NCK1: variants seen among roughly 807,000 people sequenced by gnomAD.
NCK1 encodes SH2/SH3 adapter protein NCK1.
Under a neutral mutation model 36.6 loss-of-function variants are expected in NCK1, and 19 were observed. The observed-to-expected ratio is 0.52, with a 90% CI of 0.36 to 0.76. The LOEUF is 0.76. NCK1 is among the 30% of genes least tolerant of loss of function. NCK1 has a pLI of 0.00. For missense variants in NCK1, 358 were observed against 445.6 expected (o/e 0.80, Z 1.77); for synonymous variants, 165 against 156.0 (o/e 1.06, Z -0.43).
At chr3:136,904,433 G>A (rs1156736646) in intron 1 of NCK1, among the ~76,000 whole-genome samples, 3 of 152,278 alleles carry the variant, frequency 2.0e-5, no homozygotes, top group African/African-American at 4.8e-5. Context: ...GATTACAGGC[G>A]TGAGCCACCG....
chr3:136,905,425 T>C (rs1226820659), intron 1 of NCK1, among the ~76,000 whole-genome samples: 1 of 152,034 alleles, frequency 6.6e-6, no homozygotes. Context: ...AATTCTCTTG[T>C]ATCTTTTTTT....
intron 2 of NCK1, among the ~76,000 whole-genome samples, chr3:136,941,116 CTTTT>C (rs34776608): frequency 3.2e-4 from 32 of 100,058 alleles, no homozygotes; most frequent in African/African-American, 7.9e-4. Context: ...ATTTCTTTTT[CTTTT>C]TTTTTTTTTT....
At chr3:136,878,599 T>C (rs1413562036) in intron 1 of NCK1, among the ~76,000 whole-genome samples, 1 of 152,176 alleles carries the variant, frequency 6.6e-6, no homozygotes, top group African/African-American at 2.4e-5. Context: ...AAAAATTTTC[T>C]AAAATTCATT....
chr3:136,867,992 A>G (rs1055041549), intron 1 of NCK1, among the ~76,000 whole-genome samples: 9 of 151,788 alleles, frequency 5.9e-5, no homozygotes, highest in Non-Finnish European at 1.2e-4. Context: ...ATCTCGGCTC[A>G]CTGCAACCTC....
intron 3 of NCK1, 108 bp downstream of exon 3, chr3:136,946,403 A>G (rs1002650909): frequency 6.7e-6 from 6 of 889,086 alleles, no homozygotes; most frequent in Middle Eastern, 2.3e-4. Flanking sequence ...ACCAGGTAAC[A>G]AGCTGGGACG....
At chr3:136,882,177 C>A (rs887422652) in intron 1 of NCK1, among the ~76,000 whole-genome samples, 156 of 152,000 alleles carry the variant, frequency 1.0e-3, no homozygotes, top group African/African-American at 3.6e-3. Flanking sequence ...TACATTTTCA[C>A]TAACACTTGT....
At chr3:136,934,531 C>T (rs1940477496) in intron 2 of NCK1, among the ~76,000 whole-genome samples, 1 of 152,162 alleles carries the variant, frequency 6.6e-6, no homozygotes, top group South Asian at 2.1e-4. Context: ...TGTGATCCAT[C>T]CGCCTCAGTC....
chr3:136,932,573 T>C (rs1426487393), intron 2 of NCK1, among the ~76,000 whole-genome samples: 1 of 152,240 alleles, frequency 6.6e-6, no homozygotes, highest in Non-Finnish European at 1.5e-5. Flanking sequence ...CATATATTTA[T>C]ATGTGGTATT....
intron 2 of NCK1, among the ~76,000 whole-genome samples, chr3:136,932,727 T>C (rs1318977565): frequency 6.6e-6 from 1 of 152,194 alleles, no homozygotes; most frequent in Non-Finnish European, 1.5e-5. Flanking sequence ...ACTCTAAAAG[T>C]CTTACATCCT....
At chr3:136,923,516 C>G (rs545238207) in intron 1 of NCK1, among the ~76,000 whole-genome samples, 1 of 151,942 alleles carries the variant, frequency 6.6e-6, no homozygotes, top group African/African-American at 2.4e-5. Flanking sequence ...GGTCGCTCCA[C>G]TGCACTCCAG....
intron 2 of NCK1, among the ~76,000 whole-genome samples, chr3:136,943,298 T>C (rs3845926): frequency 1 from 152,154 of 152,328 alleles, 75,990 homozygotes; most frequent in Middle Eastern, 1. Context: ...GGGATTTCTC[T>C]GAAGGCTATC....
chr3:136,919,970 G>T (rs1940062981), intron 1 of NCK1, among the ~76,000 whole-genome samples: 1 of 152,168 alleles, frequency 6.6e-6, no homozygotes, highest in Non-Finnish European at 1.5e-5. Flanking sequence ...AAGTCCGGAA[G>T]TTTGGTTGGG....
chr3:136,901,902 C>T (rs1939550029), intron 1 of NCK1, among the ~76,000 whole-genome samples: 1 of 151,980 alleles, frequency 6.6e-6, no homozygotes, highest in African/African-American at 2.4e-5. Context: ...TTTCCTTCTA[C>T]TAATTTGGGG....
At chr3:136,888,812 G>T (rs910052381) in intron 1 of NCK1, among the ~76,000 whole-genome samples, 25 of 152,028 alleles carry the variant, frequency 1.6e-4, no homozygotes, top group African/African-American at 6.0e-4. Context: ...GAATCATATA[G>T]TATGTGGTCC....
intron 1 of NCK1, among the ~76,000 whole-genome samples, chr3:136,864,573 A>T (rs550610138): frequency 1.4e-3 from 209 of 151,272 alleles, no homozygotes; most frequent in African/African-American, 4.8e-3. Context: ...GGGTAGTTCA[A>T]GCCTGTAATC....
At position 136,948,429 on chromosome 3, in the gene NCK1, A is replaced by G. The variant is rs758900228; in HGVS notation, c.1110A>G (p.Leu370=). 1.2e-6 allele frequency: 2 copies of G among 1,612,574 alleles called. No homozygotes were observed. Among genetic ancestry groups the G allele is most frequent in the South Asian group, 1.1e-5 (1 of 90,884 alleles). The change falls in exon 4 of 4, where the codon TTA becomes TTG. Residue 370 remains leucine (L), a synonymous_variant. Coordinates refer to ENST00000481752, the MANE Select transcript of NCK1 (RefSeq NM_001291999.2). ...PIFTSEQGEK[L]YLVKHLS ...TTACAAGTGAACAAGGAGAAAAATT[A>G]TATCTTGTCAAGCATTTATCATGAT...
intron 3 of NCK1, chr3:136,947,005 A>G (rs1940846682): frequency 6.6e-6 from 1 of 152,322 alleles, no homozygotes; most frequent in South Asian, 2.1e-4. Flanking sequence ...GATGAAAGAT[A>G]TCACTACTTT....
Position 136,950,305 on chromosome 3 carries a change from A to G in NCK1, c.*1852A>G, listed in dbSNP as rs1284670941. ...GAACAATTAATGCTTTGCATCACAG[A>G]CATAAACTATTCATAGTAAACTGCA... On this transcript the variant is annotated 3_prime_UTR_variant, in exon 4 of 4. Coordinates refer to ENST00000481752, the MANE Select transcript of NCK1 (RefSeq NM_001291999.2). Among the ~76,000 whole-genome samples, 2 of 152,154 alleles carry G rather than the reference A, an allele frequency of 1.3e-5. No homozygotes were observed. Among genetic ancestry groups the G allele is most frequent in the African/African-American group, 4.8e-5 (2 of 41,454 alleles).
intron 2 of NCK1, among the ~76,000 whole-genome samples, chr3:136,937,688 C>A (rs1250207109): frequency 6.6e-6 from 1 of 152,044 alleles, no homozygotes; most frequent in Non-Finnish European, 1.5e-5. Context: ...GTATCTTATT[C>A]TTCTTAATGC....
Sources: allele counts gnomAD v4.1 joint callset (sites outside exome capture counted in the v4.1 genomes callset), GRCh38; gene constraint gnomAD v4.1.1; transcripts MANE v1.5; gene names NCBI Gene and HGNC (gene_info 2026-07-23, HGNC 2026-07-21).